Variants in CADM2 observed in about 807,000 individuals in gnomAD.
CADM2 encodes the protein immunoglobulin superfamily member 4D.
A neutral mutation model predicts 49.8 loss-of-function variants in CADM2; 12 were observed. That is an observed-to-expected ratio of 0.24 (90% CI 0.15 to 0.39). CADM2 has a LOEUF of 0.39. Ranked by LOEUF, CADM2 falls within the 10% of genes least tolerant of loss-of-function variation. CADM2 has a pLI of 1.00. For synonymous variants in CADM2, 214 were observed against 175.4 expected, an observed-to-expected ratio of 1.22 and a Z score of -1.74; for missense variants, 378 against 492.3, an observed-to-expected ratio of 0.77 and a Z score of 2.20.
intron 1 of CADM2, among the ~76,000 whole-genome samples, chr3:85,633,108 A>T (rs532296265): frequency 1.3e-5 from 2 of 152,206 alleles, no homozygotes; most frequent in Admixed American, 1.3e-4. Flanking sequence ...AGCAAAGAGC[A>T]TTGCCAATAA....
intron 8 of CADM2, among the ~76,000 whole-genome samples, chr3:86,048,998 A>G (rs1036869952): frequency 2.0e-5 from 3 of 152,206 alleles, no homozygotes; most frequent in African/African-American, 7.2e-5. Context: ...GGTAAATTTT[A>G]AAATTTTTCT....
intron 5 of CADM2, among the ~76,000 whole-genome samples, chr3:85,901,776 T>C (rs527692328): frequency 5.9e-5 from 9 of 152,304 alleles, no homozygotes; most frequent in African/African-American, 1.9e-4. Flanking sequence ...AGAAGCCTGT[T>C]AGTGATAACT....
chr3:85,988,369 C>A (rs748598403), intron 8 of CADM2, among the ~76,000 whole-genome samples: 2 of 152,240 alleles, frequency 1.3e-5, no homozygotes, highest in East Asian at 3.9e-4. Flanking sequence ...GACAAGGAAG[C>A]AGATTTTTCT....
intron 1 of CADM2, among the ~76,000 whole-genome samples, chr3:85,202,078 GAAAA>G (rs57243426): frequency 3.8e-5 from 3 of 79,528 alleles, no homozygotes; most frequent in African/African-American, 1.4e-4. Context: ...GACTCTGTCT[GAAAA>G]AAAAAAAAAA....
chr3:85,066,165 C>T (rs570102930), intron 1 of CADM2, among the ~76,000 whole-genome samples: 1 of 151,932 alleles, frequency 6.6e-6, no homozygotes, highest in Non-Finnish European at 1.5e-5. Context: ...GAAGAGGGTG[C>T]CTTCATCATA....
intron 1 of CADM2, among the ~76,000 whole-genome samples, chr3:85,374,530 A>C (rs190972897): frequency 6.6e-6 from 1 of 152,268 alleles, no homozygotes; most frequent in Admixed American, 6.5e-5. Context: ...TGGGTATCAT[A>C]ATGGCAGTAC....
chr3:85,507,390 T>C (rs1049484086), intron 1 of CADM2, among the ~76,000 whole-genome samples: 1 of 152,074 alleles, frequency 6.6e-6, no homozygotes, highest in African/African-American at 2.4e-5. Context: ...GGTTTCACCA[T>C]GTTGGTCAGG....
chr3:85,504,298 C>G (rs187813946), intron 1 of CADM2, among the ~76,000 whole-genome samples: 1 of 152,166 alleles, frequency 6.6e-6, no homozygotes, highest in Non-Finnish European at 1.5e-5. Context: ...TCGCTGGCTT[C>G]AGGAGTGAAG....
intron 8 of CADM2, among the ~76,000 whole-genome samples, chr3:86,021,612 C>A (rs758955218): frequency 5.9e-5 from 9 of 152,148 alleles, no homozygotes; most frequent in Non-Finnish European, 1.0e-4. Context: ...AAAAATTTCT[C>A]ACTTAAAAAT....
intron 1 of CADM2, among the ~76,000 whole-genome samples, chr3:85,599,698 A>G (rs2063340723): frequency 6.7e-6 from 1 of 149,424 alleles, no homozygotes; most frequent in African/African-American, 2.4e-5. Flanking sequence ...TTAAAAAATT[A>G]TGTCAAATTT....
intron 1 of CADM2, among the ~76,000 whole-genome samples, chr3:85,126,648 C>A (rs2039044094): frequency 6.6e-6 from 1 of 152,008 alleles, no homozygotes; most frequent in African/African-American, 2.4e-5. Flanking sequence ...AATAAAATCA[C>A]TACGGTTGTT....
At chr3:85,628,941 T>A (rs1360495751) in intron 1 of CADM2, among the ~76,000 whole-genome samples, 1 of 151,632 alleles carries the variant, frequency 6.6e-6, no homozygotes, top group Non-Finnish European at 1.5e-5. Flanking sequence ...TTCTAGTGTC[T>A]TAATGTAGCA....
intron 1 of CADM2, among the ~76,000 whole-genome samples, chr3:85,212,880 TTCTTTC>T (rs1394342631): frequency 4.5e-5 from 4 of 89,056 alleles, no homozygotes; most frequent in African/African-American, 1.8e-4. Context: ...CTTTCTTTCT[TTCTTTC>T]TCTTTCTTTC....
At chr3:85,814,786 C>A (rs984636186) in intron 3 of CADM2, among the ~76,000 whole-genome samples, 5 of 151,628 alleles carry the variant, frequency 3.3e-5, no homozygotes, top group African/African-American at 7.3e-5. Flanking sequence ...CTATAGTATT[C>A]TATTCAAATT....
intron 7 of CADM2, among the ~76,000 whole-genome samples, chr3:85,954,771 T>C (rs1723841964): frequency 6.6e-6 from 1 of 151,228 alleles, no homozygotes; most frequent in African/African-American, 2.4e-5. Context: ...TATCCCTTCC[T>C]TTCTCTAAAA....
intron 8 of CADM2, among the ~76,000 whole-genome samples, chr3:86,039,218 G>T (rs993294989): frequency 3.3e-5 from 5 of 152,012 alleles, no homozygotes; most frequent in African/African-American, 4.8e-5. Flanking sequence ...CGGAAAGTGG[G>T]TGCAGGACAG....
intron 1 of CADM2, among the ~76,000 whole-genome samples, chr3:85,569,701 CA>C (rs781598979): frequency 0.25 from 28,434 of 114,618 alleles, 3,099 homozygotes; most frequent in Middle Eastern, 0.34. Flanking sequence ...TTTCTAATGG[CA>C]AAAAAAAAAA....
chr3:85,181,200 A>G (rs556058293), intron 1 of CADM2, among the ~76,000 whole-genome samples: 65 of 152,312 alleles, frequency 4.3e-4, no homozygotes, highest in African/African-American at 1.5e-3. Context: ...GCATATGCAC[A>G]TACAAATCAA....
chr3:85,876,103 G>A (rs1482858929), intron 3 of CADM2, among the ~76,000 whole-genome samples: 1 of 152,120 alleles, frequency 6.6e-6, no homozygotes, highest in East Asian at 1.9e-4. Context: ...AAACTTACTG[G>A]TTGGAGATTA....
Sources: allele counts gnomAD v4.1 joint callset (sites outside exome capture counted in the v4.1 genomes callset), GRCh38; gene constraint gnomAD v4.1.1; transcripts MANE v1.5; gene names NCBI Gene and HGNC (gene_info 2026-07-23, HGNC 2026-07-21).